Variants in PSMC3IP observed in about 807,000 individuals in gnomAD.
PSMC3IP encodes PSMC3 interacting protein.
A neutral mutation model predicts 34.9 loss-of-function variants in PSMC3IP; 26 were observed. That is an observed-to-expected ratio of 0.74 (90% CI 0.55 to 1.03). The LOEUF is 1.03. Among genes scored for constraint, PSMC3IP ranks in the 50% least tolerant of loss-of-function variants. PSMC3IP has a pLI of 0.00. For missense variants in PSMC3IP, 250 were observed against 263.1 expected (o/e 0.95, Z 0.34); for synonymous variants, 87 against 96.5 (o/e 0.90, Z 0.57).
At position 42,577,617 on chromosome 17, in the gene PSMC3IP, C is replaced by T. The variant is rs748056402; in HGVS notation, c.34+36G>A. ...CTCAACCGACCTCCTCACCCACTGC[C>T]CTCCCGGGTCTTCCCCGCGCCCACG... On this transcript the variant is annotated intron_variant, in intron 1 of 7. Coordinates refer to ENST00000393795, the MANE Select transcript of PSMC3IP (RefSeq NM_016556.4). The T allele has an allele frequency of 9.3e-6, 15 of 1,614,060 alleles. No individual in the cohort carries two copies. The East Asian group carries it at 2.5e-4, about 26-fold the overall frequency.
intron 3 of PSMC3IP, chr17:42,576,821 ACT>A (rs1230333265): frequency 1.6e-5 from 5 of 319,280 alleles, no homozygotes; most frequent in Admixed American, 4.5e-5. Context: ...GGCAATTTTG[ACT>A]CTGATATTAA....
intron 3 of PSMC3IP, among the ~76,000 whole-genome samples, chr17:42,575,874 AT>A (rs1418329559): frequency 2.0e-5 from 3 of 150,084 alleles, no homozygotes; most frequent in Non-Finnish European, 3.0e-5. Flanking sequence ...AAAAAAAAAA[AT>A]TAGGCTTCGT....
rs2093043800 is a variant in PSMC3IP at position 42,572,920 on chromosome 17, C to T, written c.*48G>A. The stretch of plus-strand genomic sequence containing the variant: ...ACAAGGTAGCCAGTGCAAGACATCT[C>T]ACTCTTCTGACATCCTGCAGTCCCC... On this transcript the variant is annotated 3_prime_UTR_variant, in exon 8 of 8. Transcript: ENST00000393795. 2 of 1,600,384 alleles carry T rather than the reference C, an allele frequency of 1.2e-6. No homozygotes were observed. Among genetic ancestry groups the T allele is most frequent in the Non-Finnish European group, 1.7e-6 (2 of 1,168,530 alleles).
intron 3 of PSMC3IP, among the ~76,000 whole-genome samples, chr17:42,576,524 G>A (rs762523326): frequency 3.9e-5 from 6 of 152,190 alleles, no homozygotes; most frequent in Non-Finnish European, 8.8e-5. Context: ...AATTAGCCAG[G>A]CTCTGTGGTT....
At chr17:42,577,183 T>G (rs1441472151) in intron 3 of PSMC3IP, 30 bp downstream of exon 3, 1 of 1,613,888 alleles carries the variant, frequency 6.2e-7, no homozygotes, top group Non-Finnish European at 8.5e-7. Flanking sequence ...CGGGCTCTCA[T>G]GGGTGACAAT....
intron 2 of PSMC3IP, 38 bp from the exon 3 acceptor site, chr17:42,577,340 G>A (rs1289032306): frequency 1.9e-6 from 3 of 1,602,630 alleles, no homozygotes; most frequent in Non-Finnish European, 2.5e-6. Context: ...AGAGGAGTCT[G>A]AGCCTGGGTC....
rs1333279679 is a variant in PSMC3IP at position 42,577,513 on chromosome 17, C to A, written c.83G>T (p.Ser28Ile). The A allele has an allele frequency of 1.2e-6, 2 of 1,614,182 alleles. No individual in the cohort carries two copies. Among genetic ancestry groups the A allele is most frequent in the Non-Finnish European group, 1.7e-6 (2 of 1,180,022 alleles). Residue 28 changes from serine to isoleucine, a missense_variant, in exon 2 of 8, where the codon AGC becomes ATC. Ser to Ile is a moderately radical substitution (Grantham distance 142, BLOSUM62 -2). Coordinates refer to ENST00000393795, the MANE Select transcript of PSMC3IP (RefSeq NM_016556.4). Reference sequence around the variant, plus strand: ...TAGGTTCCCGAACACATCCTGGGAGCTGTAGGGCCGGTTCTGCTCCTGCAG... The same window carrying A: ...TAGGTTCCCGAACACATCCTGGGAGATGTAGGGCCGGTTCTGCTCCTGCAG... ...RYLQEQNRPY[S>I]SQDVFGNLQR...
At position 42,577,518 on chromosome 17, in the gene PSMC3IP, G is replaced by C; in HGVS notation, c.78C>G (p.Pro26=). The change falls in exon 2 of 8, where the codon CCC becomes CCG. Residue 26 remains proline, a synonymous_variant. Coordinates refer to ENST00000393795, the MANE Select transcript of PSMC3IP (RefSeq NM_016556.4). ...TCCCGAACACATCCTGGGAGCTGTA[G>C]GGCCGGTTCTGCTCCTGCAGGTACC... is the stretch of plus-strand genomic sequence containing the variant. The part of the protein sequence containing the change: ...LLRYLQEQNR[P]YSSQDVFGNL... 6.2e-7 allele frequency: 1 copy of C among 1,614,176 alleles called. No individual in the cohort carries two copies. Among genetic ancestry groups the C allele is most frequent in the South Asian group, 1.1e-5 (1 of 91,088 alleles).
chr17:42,577,067 G>C, intron 3 of PSMC3IP, 146 bp downstream of exon 3: 1 of 1,529,902 alleles, frequency 6.5e-7, no homozygotes, highest in South Asian at 1.2e-5. Context: ...ATCCTAACAA[G>C]AGGAGTACAC....
Position 42,572,930 on chromosome 17 carries a change from A to C in PSMC3IP, c.*38T>G, listed in dbSNP as rs2093043851. 1 of 1,608,826 alleles carries C rather than the reference A, an allele frequency of 6.2e-7. No individual in the cohort carries two copies. The highest frequency in any genetic ancestry group is 8.5e-7 in the Non-Finnish European group (1 of 1,175,914). Reference sequence around the variant, plus strand: ...CAGTGCAAGACATCTCACTCTTCTGACATCCTGCAGTCCCCACCAGTCCTG... The same window carrying C: ...CAGTGCAAGACATCTCACTCTTCTGCCATCCTGCAGTCCCCACCAGTCCTG... On this transcript the variant is annotated 3_prime_UTR_variant, in exon 8 of 8. Transcript: ENST00000393795.
At chr17:42,574,907 C>T (rs2093065492) in intron 3 of PSMC3IP, among the ~76,000 whole-genome samples, 1 of 152,204 alleles carries the variant, frequency 6.6e-6, no homozygotes, top group Non-Finnish European at 1.5e-5. Flanking sequence ...GCGCGCACCA[C>T]CAAGCGCAGC....
At chr17:42,574,368 T>C (rs1410868198) in intron 3 of PSMC3IP, 158 bp from the exon 4 acceptor site, 2 of 1,471,044 alleles carry the variant, frequency 1.4e-6, no homozygotes, top group East Asian at 2.6e-5. Context: ...TTTTGAGAAA[T>C]TGTTTTCAGT....
chr17:42,575,684 G>T (rs2093070657), intron 3 of PSMC3IP, among the ~76,000 whole-genome samples: 1 of 152,062 alleles, frequency 6.6e-6, no homozygotes, highest in Non-Finnish European at 1.5e-5. Context: ...AAGGAGACAA[G>T]TAAAAATTGT....
At chr17:42,574,827 G>C (rs752147489) in intron 3 of PSMC3IP, among the ~76,000 whole-genome samples, 8 of 146,834 alleles carry the variant, frequency 5.4e-5, no homozygotes, top group Non-Finnish European at 1.1e-4. Flanking sequence ...AATCTTGGCT[G>C]ACTGCAACCT....
rs1450943964 is a variant in PSMC3IP, at chr17:42,572,552, C to T, written c.*416G>A. Reference sequence around the variant, plus strand: ...CAGGTCCTGAGTGAAGCCGTGGGCCCTCCAAATGCTCGTTTTATAGCAACC... The same window carrying T: ...CAGGTCCTGAGTGAAGCCGTGGGCCTTCCAAATGCTCGTTTTATAGCAACC... On this transcript the variant is annotated 3_prime_UTR_variant, in exon 8 of 8. Transcript: ENST00000393795. The T allele has an allele frequency of 2.2e-6, 1 of 453,348 alleles. No homozygotes were observed. The highest frequency in any genetic ancestry group is 4.4e-6 in the Non-Finnish European group (1 of 226,394). The allele number at this position is 453,348 out of a possible 1,614,324, so 28.1% of individuals were successfully genotyped here. A position where few individuals can be genotyped will look rare whatever the true frequency, so the allele number is the denominator to read the frequency against.
chr17:42,577,154 G>T, intron 3 of PSMC3IP, 59 bp downstream of exon 3: 3 of 1,612,178 alleles, frequency 1.9e-6, no homozygotes, highest in Non-Finnish European at 2.5e-6. Context: ...TTCACACCAG[G>T]AGTAGATTCA....
chr17:42,577,581 G>C lies in PSMC3IP; in HGVS notation c.35-20C>G. The C allele has an allele frequency of 6.2e-7, 1 of 1,614,148 alleles. No individual in the cohort carries two copies. Among genetic ancestry groups the C allele is most frequent in the Non-Finnish European group, 8.5e-7 (1 of 1,180,020 alleles). On this transcript the variant is annotated intron_variant, in intron 1 of 7. Transcript: ENST00000393795. ...CGGCGGCTACGGAGAGAAAGGCAGG[G>C]GAGGGGGCCACTCAACCGACCTCCT... is the stretch of plus-strand genomic sequence containing the variant.
intron 3 of PSMC3IP, among the ~76,000 whole-genome samples, chr17:42,574,769 T>C (rs1019752891): frequency 7.7e-6 from 1 of 129,338 alleles, no homozygotes; most frequent in African/African-American, 2.7e-5. Flanking sequence ...CCCTTCCCTC[T>C]TTTCCTCTCT....
chr17:42,573,297 T>G lies in PSMC3IP; in HGVS notation c.537+14A>C, dbSNP rs1173501113. 2.5e-6 allele frequency: 4 copies of G among 1,614,048 alleles called. No homozygotes were observed. Among genetic ancestry groups the G allele is most frequent in the Non-Finnish European group, 3.4e-6 (4 of 1,180,012 alleles). On this transcript the variant is annotated intron_variant, in intron 6 of 7. Coordinates refer to ENST00000393795, the MANE Select transcript of PSMC3IP (RefSeq NM_016556.4). ...GCACCTCCAGGGCCTGTCTCGGAGC[T>G]CCCACACACTTACCATCCTCTTCCT...
Sources: allele counts gnomAD v4.1 joint callset (sites outside exome capture counted in the v4.1 genomes callset), GRCh38; gene constraint gnomAD v4.1.1; transcripts MANE v1.5; gene names NCBI Gene and HGNC (gene_info 2026-07-23, HGNC 2026-07-21).